Variants in PCDH19 observed in about 807,000 individuals in gnomAD.
PCDH19 encodes the protein protocadherin 19.
PCDH19 carries 6 observed loss-of-function variants against 46.2 expected under a neutral mutation model. That is an observed-to-expected ratio of 0.13 (90% CI 0.07 to 0.26). The LOEUF is 0.26. Ranked by LOEUF, PCDH19 falls within the 10% of genes least tolerant of loss-of-function variation. The pLI, the probability that PCDH19 is intolerant of heterozygous loss-of-function variation, is 1.00. For synonymous variants in PCDH19, 481 were observed against 415.7 expected (o/e 1.16, Z -1.91); for missense variants, 740 against 972.3 (o/e 0.76, Z 3.18).
At chrX:100,403,796 C>T in intron 1 of PCDH19, 132 bp from the exon 2 acceptor site, 1 of 466,651 alleles carries the variant, frequency 2.1e-6, no homozygotes, top group Non-Finnish European at 3.5e-6. Flanking sequence ...GCAACGTGCA[C>T]CAAAGACACC....
At chrX:100,312,842 T>G (rs1426381597) in intron 5 of PCDH19, among the ~76,000 whole-genome samples, 2 of 111,617 alleles carry the variant, frequency 1.8e-5, no homozygotes, top group African/African-American at 6.5e-5. Flanking sequence ...GCCACAGCTG[T>G]GAGAACTTTT....
At chrX:100,374,445 T>C (rs1927313346) in intron 3 of PCDH19, among the ~76,000 whole-genome samples, 1 of 111,503 alleles carries the variant, frequency 9.0e-6, no homozygotes, top group Admixed American at 9.5e-5. Context: ...AATATTAATG[T>C]GAAAGGGGGT....
At position 100,296,218 on chromosome X, in the gene PCDH19, G is replaced by A; in HGVS notation, c.*59C>T. 5 of 957,661 alleles carry A rather than the reference G, an allele frequency of 5.2e-6. No homozygotes were observed. In the South Asian group the frequency reaches 9.7e-5, roughly 19 times the overall value. 78.9% of individuals were successfully genotyped at this position (957,661 alleles called of 1,213,427 possible). On this transcript the variant is annotated 3_prime_UTR_variant, in exon 6 of 6. Coordinates refer to ENST00000373034, the MANE Select transcript of PCDH19 (RefSeq NM_001184880.2). Reference sequence around the variant, plus strand: ...AACCATTGGTGAGCAATTAAAACAAGAAGCTCCTGCTTCTTCACTAGCCAG... The same window carrying A: ...AACCATTGGTGAGCAATTAAAACAAAAAGCTCCTGCTTCTTCACTAGCCAG...
rs981481336 is a variant in PCDH19 at position 100,388,732 on chromosome X, GT to G, written c.2616+13791del. On this transcript the variant is annotated intron_variant, in intron 3 of 5. Coordinates refer to ENST00000373034, the MANE Select transcript of PCDH19 (RefSeq NM_001184880.2). ...TCATAACCACACTCTTGCCATCACT[GT>G]TTTTTTTTTAATCTTTGCTTATTTG... Among the ~76,000 whole-genome samples, 271 of 105,851 alleles carry G rather than the reference GT, an allele frequency of 2.6e-3. 2 individuals are homozygous for G. The highest frequency in any genetic ancestry group is 1.3e-3 in the Non-Finnish European group (68 of 50,851). 91.9% of individuals were successfully genotyped at this position (105,851 alleles called of 115,157 possible).
chrX:100,349,097 C>T (rs1214843406), intron 4 of PCDH19, among the ~76,000 whole-genome samples: 1 of 110,348 alleles, frequency 9.1e-6, no homozygotes, highest in Non-Finnish European at 1.9e-5. Context: ...TTTAACCTGG[C>T]TATAGAATTC....
chrX:100,326,049 A>C (rs771165310), intron 5 of PCDH19, among the ~76,000 whole-genome samples: 1 of 112,927 alleles, frequency 8.9e-6, no homozygotes, highest in South Asian at 3.6e-4. Context: ...CATTAATATA[A>C]GAGAAACAGC....
At chrX:100,311,103 C>T (rs957975248) in intron 5 of PCDH19, among the ~76,000 whole-genome samples, 3 of 110,720 alleles carry the variant, frequency 2.7e-5, no homozygotes, top group Non-Finnish European at 5.7e-5. Flanking sequence ...ACTTCAGCCT[C>T]AGGAGTAGCA....
At chrX:100,306,479 A>C (rs942220993) in intron 5 of PCDH19, among the ~76,000 whole-genome samples, 8 of 111,703 alleles carry the variant, frequency 7.2e-5, no homozygotes, top group Non-Finnish European at 1.5e-4. Context: ...GCAAAAATAG[A>C]CAATCTAAGG....
At chrX:100,329,519 T>A (rs1335196460) in intron 5 of PCDH19, among the ~76,000 whole-genome samples, 1 of 112,194 alleles carries the variant, frequency 8.9e-6, no homozygotes, top group Non-Finnish European at 1.9e-5. Flanking sequence ...ATTAATAGAG[T>A]GTTTAAAATT....
At chrX:100,325,795 C>T (rs1925678111) in intron 5 of PCDH19, among the ~76,000 whole-genome samples, 1 of 112,524 alleles carries the variant, frequency 8.9e-6, no homozygotes, top group South Asian at 3.7e-4. Flanking sequence ...TTTATTTTCA[C>T]AATGAATCTG....
chrX:100,372,211 G>C (rs1487974075), intron 3 of PCDH19, among the ~76,000 whole-genome samples: 1 of 111,660 alleles, frequency 9.0e-6, no homozygotes, highest in African/African-American at 3.3e-5. Flanking sequence ...ACTCCAACCT[G>C]GGTGACAGAG....
At chrX:100,400,989 T>C (rs1358954536) in intron 3 of PCDH19, among the ~76,000 whole-genome samples, 1 of 111,393 alleles carries the variant, frequency 9.0e-6, no homozygotes, top group African/African-American at 3.3e-5. Flanking sequence ...GCTTTGTGAG[T>C]CTGAGTAAGT....
intron 5 of PCDH19, among the ~76,000 whole-genome samples, chrX:100,336,121 A>T (rs182986323): frequency 8.9e-6 from 1 of 112,340 alleles, no homozygotes; most frequent in Non-Finnish European, 1.9e-5. Context: ...TGGAATTTTC[A>T]ATTACTCTAT....
rs5903157 is a variant in PCDH19, at chrX:100,312,104, T to TGAGAGA, written c.2849-15235_2849-15230dup. On this transcript the variant is annotated intron_variant, in intron 5 of 5. Transcript: ENST00000373034. Reference sequence around the variant, plus strand: ...TTAGAAATCTTTTTTCCTAAAACATTGAGAGAGAGAGAGAGAGAAGAGAGA... The same window carrying TGAGAGA: ...TTAGAAATCTTTTTTCCTAAAACATTGAGAGAGAGAGAGAGAGAGAGAGAAGAGAGA... Among the ~76,000 whole-genome samples the TGAGAGA allele has an allele frequency of 2.4e-4, 25 of 103,629 alleles. 1 individual carries two copies. Among genetic ancestry groups the TGAGAGA allele is most frequent in the East Asian group, 6.3e-4 (2 of 3,191 alleles). 90.0% of individuals were successfully genotyped at this position (103,629 alleles called of 115,157 possible).
chrX:100,318,115 T>C (rs1165988697), intron 5 of PCDH19, among the ~76,000 whole-genome samples: 1 of 111,800 alleles, frequency 8.9e-6, no homozygotes, highest in Non-Finnish European at 1.9e-5. Flanking sequence ...GTGAAAAAGG[T>C]ACCATCCTTT....
chrX:100,305,209 G>T (rs1486478652), intron 5 of PCDH19, among the ~76,000 whole-genome samples: 1 of 112,243 alleles, frequency 8.9e-6, no homozygotes, highest in East Asian at 2.8e-4. Flanking sequence ...AAACCTATCA[G>T]AATAATAGCA....
intron 4 of PCDH19, among the ~76,000 whole-genome samples, chrX:100,343,996 G>T (rs1926328057): frequency 8.9e-6 from 1 of 111,755 alleles, no homozygotes; most frequent in Admixed American, 9.5e-5. Context: ...AATCACAGCA[G>T]ATTTTTAACA....
chrX:100,313,072 T>A (rs1280749926), intron 5 of PCDH19, among the ~76,000 whole-genome samples: 1 of 111,593 alleles, frequency 9.0e-6, no homozygotes, highest in Non-Finnish European at 1.9e-5. Context: ...CATTCACAAA[T>A]TAATTGAACA....
At chrX:100,338,946 A>G (rs1448764998) in intron 5 of PCDH19, among the ~76,000 whole-genome samples, 1 of 112,251 alleles carries the variant, frequency 8.9e-6, no homozygotes, top group Non-Finnish European at 1.9e-5. Context: ...TTCCCCTTCA[A>G]TCATGTGTCC....
Sources: gnomAD v4.1 joint callset for allele counts (sites outside exome capture counted in the v4.1 genomes callset) on GRCh38, gnomAD v4.1.1 for gene constraint, MANE v1.5 for transcripts, NCBI Gene and HGNC (gene_info 2026-07-23, HGNC 2026-07-21) for gene names.